The following TMEM165 variants were observed in gnomAD, a reference collection of about 807,000 sequenced individuals.
The protein encoded by TMEM165 is transmembrane protein 165.
TMEM165 carries 19 observed loss-of-function variants against 30.0 expected under a neutral mutation model. The observed-to-expected ratio is 0.63, with a 90% CI of 0.44 to 0.93. The LOEUF (loss-of-function observed/expected upper bound fraction) is 0.93, where lower values mean the gene tolerates loss of function less well. TMEM165 is among the 40% of genes least tolerant of loss of function. The probability of loss-of-function intolerance (pLI) is 0.00; values close to 1 mark genes in which losing one functional copy is unlikely to be tolerated. For missense variants in TMEM165, 340 were observed against 417.0 expected, an observed-to-expected ratio of 0.82 and a Z score of 1.61; for synonymous variants, 168 against 162.9, an observed-to-expected ratio of 1.03 and a Z score of -0.24.
rs1175393340 is a variant in TMEM165 at position 55,443,987 on chromosome 4, T to C, written c.409-8252T>C. 5 of 1,188,156 alleles carry C rather than the reference T, an allele frequency of 4.2e-6. No homozygotes were observed. In the Admixed American group the frequency reaches 1.1e-4, roughly 25 times the overall value. 73.6% of individuals were successfully genotyped at this position (1,188,156 alleles called of 1,614,324 possible). On this transcript the variant is annotated intron_variant, in intron 3 of 3. Coordinates refer to the TMEM165 transcript ENST00000608091. ...GAAGGCAAAATCAAGCTACAAAGTA[T>C]GTTTAAAAAGCAAGTAACAAGGCTA...
chr4:55,438,604 G>A, intron 3 of TMEM165: 1 of 1,608,634 alleles, frequency 6.2e-7, no homozygotes, highest in Admixed American at 1.7e-5. Flanking sequence ...AAACGCAGTG[G>A]AGTAAATACT....
chr4:55,422,453 T>A (rs1722020547), intron 4 of TMEM165, among the ~76,000 whole-genome samples: 1 of 152,106 alleles, frequency 6.6e-6, no homozygotes, highest in Non-Finnish European at 1.5e-5. Context: ...AGATGGGGTT[T>A]CACCATGTTG....
At chr4:55,400,299 ATTATATATAATATTAATACTG>A (rs1560385990) in intron 1 of TMEM165, among the ~76,000 whole-genome samples, 1 of 105,670 alleles carries the variant, frequency 9.5e-6, no homozygotes, top group Non-Finnish European at 1.8e-5. Context: ...TATATATAAT[ATTATATATAATATTAATACTG>A]TATTATATAT....
chr4:55,396,597 G>T (rs998522790), intron 1 of TMEM165, among the ~76,000 whole-genome samples: 2 of 152,222 alleles, frequency 1.3e-5, no homozygotes, highest in Non-Finnish European at 2.9e-5. Flanking sequence ...GAAAGGGAGA[G>T]GGAGAGTCCA....
rs1721807502 is a variant in TMEM165 at position 55,417,919 on chromosome 4, A to G, written c.726A>G (p.Thr242=). Residue 242 remains threonine (T), a synonymous_variant, in exon 4 of 6, where the codon ACA becomes ACG. Transcript: ENST00000381334. ...CACCCATTTTTGTTCAAGCTCTTAC[A>G]TTAACATTCTTAGCAGAATGGGGTG... The part of the protein sequence containing the change: ...FISPIFVQAL[T]LTFLAEWGDR... 1.9e-6 allele frequency: 3 copies of G among 1,614,168 alleles called. No individual in the cohort carries two copies. The highest frequency in any genetic ancestry group is 1.7e-6 in the Non-Finnish European group (2 of 1,180,016).
chr4:55,453,245 A>G lies in TMEM165; in HGVS notation c.*939A>G, dbSNP rs1161795034. 3 of 875,602 alleles carry G rather than the reference A, an allele frequency of 3.4e-6. No individual in the cohort carries two copies. The African/African-American group carries it at 5.0e-5, about 15-fold the overall frequency. The allele number at this position is 875,602 out of a possible 1,614,324, so 54.2% of individuals were successfully genotyped here. Reference sequence around the variant, plus strand: ...CATCTGTTCATCTAGACTATTTGCTATGTGCTACACAAACCTAAAATATAC... The same window carrying G: ...CATCTGTTCATCTAGACTATTTGCTGTGTGCTACACAAACCTAAAATATAC... On this transcript the variant is annotated 3_prime_UTR_variant, in exon 4 of 4. Coordinates refer to the TMEM165 transcript ENST00000608091.
intron 3 of TMEM165, chr4:55,435,723 C>T (rs934641529): frequency 5.4e-6 from 5 of 928,368 alleles, no homozygotes; most frequent in African/African-American, 3.3e-5. Flanking sequence ...ATCACTTTCA[C>T]TCTCTGGTTT....
At chr4:55,431,202 T>C (rs1577653342) in intron 3 of TMEM165, 1 of 152,106 alleles carries the variant, frequency 6.6e-6, no homozygotes, top group African/African-American at 2.4e-5. Flanking sequence ...GGCATGAGAG[T>C]TGGGTCTTCT....
At chr4:55,423,985 C>T (rs1278302813) in intron 4 of TMEM165, 1 of 152,834 alleles carries the variant, frequency 6.5e-6, no homozygotes, top group African/African-American at 2.4e-5. Context: ...TTCTTCAGGA[C>T]TATCTTCTGG....
intron 1 of TMEM165, among the ~76,000 whole-genome samples, chr4:55,401,762 A>G (rs1303387841): frequency 6.6e-6 from 1 of 150,376 alleles, no homozygotes; most frequent in African/African-American, 2.5e-5. Flanking sequence ...CTCAGAAGGT[A>G]ATTATATTAA....
intron 4 of TMEM165, among the ~76,000 whole-genome samples, chr4:55,420,433 G>C (rs1408869143): frequency 6.6e-6 from 1 of 151,614 alleles, no homozygotes; most frequent in African/African-American, 2.4e-5. Context: ...TGGGTTTTGA[G>C]TCTCTTGCTG....
intron 3 of TMEM165, among the ~76,000 whole-genome samples, chr4:55,446,101 C>CTTT (rs766235766): frequency 3.0e-4 from 32 of 107,366 alleles, no homozygotes; most frequent in Non-Finnish European, 5.2e-4. Flanking sequence ...AATTTAACTT[C>CTTT]TTTTTTTTTT....
chr4:55,428,335 T>C (rs1722320400), downstream of TMEM165: 1 of 152,168 alleles, frequency 6.6e-6, no homozygotes, highest in Admixed American at 6.5e-5. Flanking sequence ...CAAATTAAAA[T>C]GGCAATATTA....
chr4:55,415,885 C>G (rs1463161997), intron 2 of TMEM165: 2 of 151,328 alleles, frequency 1.3e-5, no homozygotes, highest in African/African-American at 2.4e-5. Flanking sequence ...GATGGGATCT[C>G]ACTCTGTTGC....
chr4:55,397,923 T>G (rs1213820249), intron 1 of TMEM165, among the ~76,000 whole-genome samples: 1 of 135,920 alleles, frequency 7.4e-6, no homozygotes, highest in African/African-American at 2.6e-5. Flanking sequence ...TTTTTTTTTT[T>G]TGAGAGAGGA....
chr4:55,427,057 A>AGT (rs1553887610), downstream of TMEM165, among the ~76,000 whole-genome samples: 2 of 132,096 alleles, frequency 1.5e-5, no homozygotes, highest in East Asian at 4.6e-4. Flanking sequence ...TTTTTTTGAG[A>AGT]GAGTCTCACT....
Position 55,417,255 on chromosome 4 carries a change from A to G in TMEM165, c.609+8A>G. On this transcript the variant is annotated splice_region_variant and intron_variant, in intron 3 of 5. Transcript: ENST00000381334. The stretch of plus-strand genomic sequence containing the variant: ...AAGAAGAAAGATGAAGAAGTAAGCC[A>G]TGGCACTGTTGATCTGGACCAAAAA... The G allele has an allele frequency of 6.2e-7, 1 of 1,609,866 alleles. No homozygotes were observed. The highest frequency in any genetic ancestry group is 1.7e-5 in the Admixed American group (1 of 59,262).
At chr4:55,451,247 A>T (rs1332131086) in intron 3 of TMEM165, among the ~76,000 whole-genome samples, 2 of 152,146 alleles carry the variant, frequency 1.3e-5, no homozygotes, top group African/African-American at 4.8e-5. Context: ...CAATGAATTA[A>T]ATGTTAAAGT....
chr4:55,420,091 A>C (rs1350336238), intron 4 of TMEM165, among the ~76,000 whole-genome samples: 1 of 63,032 alleles, frequency 1.6e-5, no homozygotes, highest in Non-Finnish European at 3.2e-5. Context: ...GTGAGACACT[A>C]TCTTAAGAAA....
Sources: allele counts gnomAD v4.1 joint callset (sites outside exome capture counted in the v4.1 genomes callset), GRCh38; gene constraint gnomAD v4.1.1; transcripts MANE v1.5; gene names NCBI Gene and HGNC (gene_info 2026-07-23, HGNC 2026-07-21).